The following FOCAD variants were observed in gnomAD, a reference collection of about 807,000 sequenced individuals.
FOCAD encodes the protein focadhesin, also known as KIAA1797.
Under a neutral mutation model 225.6 loss-of-function variants are expected in FOCAD, and 198 were observed. The ratio of observed to expected loss-of-function variants is 0.88; its 90% CI spans 0.78 to 0.99. The LOEUF is 0.99. FOCAD is among the 50% of genes least tolerant of loss of function. The pLI, the probability that FOCAD is intolerant of heterozygous loss-of-function variation, is 0.00. For missense variants in FOCAD, 2,713 were observed against 2,123.6 expected (o/e 1.28, Z -5.46); for synonymous variants, 897 against 755.0 (o/e 1.19, Z -3.08).
intron 20 of FOCAD, among the ~76,000 whole-genome samples, chr9:20,882,791 C>T (rs933939949): frequency 1.6e-4 from 24 of 152,062 alleles, no homozygotes; most frequent in Non-Finnish European, 2.6e-4. Context: ...AAGTTATTTG[C>T]GACATTTTGA....
chr9:20,846,111 G>C (rs532780300), intron 15 of FOCAD, among the ~76,000 whole-genome samples: 1 of 152,198 alleles, frequency 6.6e-6, no homozygotes, highest in Admixed American at 6.6e-5. Flanking sequence ...TTCCAGGCTA[G>C]AGTATGTCTG....
chr9:20,990,430 T>C, intron 42 of FOCAD, 56 bp downstream of exon 42: 1 of 1,589,458 alleles, frequency 6.3e-7, no homozygotes, highest in Admixed American at 1.7e-5. Flanking sequence ...TCTTCAGCAG[T>C]TTCTACTGTA....
chr9:20,838,305 C>T (rs535287315), intron 15 of FOCAD, among the ~76,000 whole-genome samples: 1 of 151,158 alleles, frequency 6.6e-6, no homozygotes, highest in South Asian at 2.1e-4. Flanking sequence ...TTATTAAAAG[C>T]TGGGCTTATT....
chr9:20,682,806 T>TC (rs1822439362), upstream of FOCAD, among the ~76,000 whole-genome samples: 1 of 152,202 alleles, frequency 6.6e-6, no homozygotes, highest in Non-Finnish European at 1.5e-5. Flanking sequence ...ACAGTCTCAC[T>TC]CCATCAGAGG....
intron 15 of FOCAD, among the ~76,000 whole-genome samples, chr9:20,850,979 G>A (rs570319780): frequency 6.6e-5 from 10 of 150,944 alleles, no homozygotes; most frequent in East Asian, 1.9e-4. Flanking sequence ...CCTGCAAAGC[G>A]TCCAGCTTAG....
chr9:20,812,433 G>A (rs543670619), intron 11 of FOCAD, among the ~76,000 whole-genome samples: 16 of 151,740 alleles, frequency 1.1e-4, no homozygotes, highest in African/African-American at 1.9e-4. Context: ...TAAGATTTTC[G>A]TTATAGAACT....
At chr9:20,913,895 C>A (rs1390841181) in intron 23 of FOCAD, among the ~76,000 whole-genome samples, 4 of 152,012 alleles carry the variant, frequency 2.6e-5, no homozygotes, top group Admixed American at 2.6e-4. Flanking sequence ...AGAGACCTAT[C>A]AATACATATT....
At chr9:20,790,756 C>G (rs1820439682) in intron 11 of FOCAD, among the ~76,000 whole-genome samples, 1 of 152,024 alleles carries the variant, frequency 6.6e-6, no homozygotes, top group Non-Finnish European at 1.5e-5. Flanking sequence ...GGGACTCTGT[C>G]TCAAAAGCAA....
At chr9:20,776,363 A>G (rs1002243611) in intron 8 of FOCAD, among the ~76,000 whole-genome samples, 1 of 152,252 alleles carries the variant, frequency 6.6e-6, no homozygotes, top group Non-Finnish European at 1.5e-5. Context: ...TTACCACAGC[A>G]GTAGCTGTAG....
chr9:20,924,451 C>T (rs1284154481), intron 25 of FOCAD, among the ~76,000 whole-genome samples: 1 of 152,180 alleles, frequency 6.6e-6, no homozygotes, highest in Non-Finnish European at 1.5e-5. Flanking sequence ...CTTTCAGAAC[C>T]TATTTCTCCA....
intron 19 of FOCAD, among the ~76,000 whole-genome samples, chr9:20,876,577 T>C (rs2131807825): frequency 6.6e-6 from 1 of 152,178 alleles, no homozygotes; most frequent in South Asian, 2.1e-4. Flanking sequence ...AGGGGAAGAG[T>C]TGAGATCGAC....
chr9:20,830,678 C>G (rs1245819578), intron 15 of FOCAD, among the ~76,000 whole-genome samples: 1 of 151,944 alleles, frequency 6.6e-6, no homozygotes, highest in African/African-American at 2.4e-5. Flanking sequence ...TCCCATTTTT[C>G]TCTCTTATTT....
At chr9:20,856,232 C>A (rs1183164991) in intron 15 of FOCAD, among the ~76,000 whole-genome samples, 2 of 151,908 alleles carry the variant, frequency 1.3e-5, no homozygotes, top group African/African-American at 4.8e-5. Flanking sequence ...ACGAGGGTTC[C>A]CCTTTCTCCA....
At chr9:20,799,776 A>G (rs1262262102) in intron 11 of FOCAD, among the ~76,000 whole-genome samples, 1 of 152,072 alleles carries the variant, frequency 6.6e-6, no homozygotes, top group African/African-American at 2.4e-5. Context: ...AGTACAGCAC[A>G]CTGATGGTTC....
chr9:20,916,774 C>A (rs1833900211), intron 23 of FOCAD, 119 bp from the exon 24 acceptor site: 6 of 846,628 alleles, frequency 7.1e-6, no homozygotes, highest in Non-Finnish European at 9.2e-6. Flanking sequence ...TGAAATTCTA[C>A]CTGTATAGTT....
intron 11 of FOCAD, among the ~76,000 whole-genome samples, chr9:20,813,931 T>A (rs1823363551): frequency 6.6e-6 from 1 of 152,310 alleles, no homozygotes; most frequent in South Asian, 2.1e-4. Flanking sequence ...ATATATATAA[T>A]TATCGTATTG....
chr9:20,723,058 G>C (rs1432988061), intron 4 of FOCAD, among the ~76,000 whole-genome samples: 1 of 152,110 alleles, frequency 6.6e-6, no homozygotes, highest in Non-Finnish European at 1.5e-5. Context: ...CTGGTGTGAG[G>C]TATCATTCAC....
In FOCAD at chr9:20,789,130, T is replaced by A. The variant is rs1820255058; in HGVS notation, c.1198-221T>A. Among the ~76,000 whole-genome samples the A allele has an allele frequency of 3.9e-5, 6 of 152,320 alleles. No homozygotes were observed. The South Asian group carries it at 1.2e-3, about 32-fold the overall frequency. On this transcript the variant is annotated intron_variant, in intron 10 of 43. Coordinates refer to ENST00000338382, the MANE Select transcript of FOCAD (RefSeq NM_001375567.1). ...ATGAATGGTAAATATGAGGAAAAGT[T>A]GTGATAAAACTCTTCTGGAGTTCCA... is the stretch of plus-strand genomic sequence containing the variant.
intron 18 of FOCAD, 40 bp from the exon 19 acceptor site, chr9:20,874,638 TTTA>T (rs778140829): frequency 4.1e-5 from 65 of 1,585,108 alleles, no homozygotes; most frequent in Non-Finnish European, 5.3e-5. Flanking sequence ...TGCATAATGT[TTTA>T]TTATTATCCT....
Sources: allele counts gnomAD v4.1 joint callset (sites outside exome capture counted in the v4.1 genomes callset), GRCh38; gene constraint gnomAD v4.1.1; transcripts MANE v1.5; gene names NCBI Gene and HGNC (gene_info 2026-07-23, HGNC 2026-07-21).